ROBO2: variants seen among roughly 807,000 people sequenced by gnomAD.
ROBO2 encodes roundabout homolog 2.
A neutral mutation model predicts 160.8 loss-of-function variants in ROBO2; 53 were observed. That is an observed-to-expected ratio of 0.33 (90% CI 0.26 to 0.41). ROBO2 has a LOEUF of 0.41. Ranked by LOEUF, ROBO2 falls within the 10% of genes least tolerant of loss-of-function variation. The probability of loss-of-function intolerance (pLI) is 1.00; values close to 1 mark genes in which losing one functional copy is unlikely to be tolerated. For missense variants in ROBO2, 1,577 were observed against 1,722.4 expected, an observed-to-expected ratio of 0.92 and a Z score of 1.49; for synonymous variants, 664 against 611.7, an observed-to-expected ratio of 1.09 and a Z score of -1.26.
chr3:75,912,731 A>G (rs1351401228), intron 1 of ROBO2, among the ~76,000 whole-genome samples: 1 of 152,348 alleles, frequency 6.6e-6, no homozygotes, highest in African/African-American at 2.4e-5. Flanking sequence ...ACATACTGGT[A>G]TAATCATATT....
intron 6 of ROBO2, among the ~76,000 whole-genome samples, chr3:77,545,027 A>T (rs1221055746): frequency 6.6e-6 from 1 of 151,750 alleles, no homozygotes; most frequent in African/African-American, 2.4e-5. Flanking sequence ...TTTCTGTCGG[A>T]GTTACTTATG....
intron 2 of ROBO2, among the ~76,000 whole-genome samples, chr3:76,767,315 G>T (rs1461254265): frequency 6.6e-6 from 1 of 151,552 alleles, no homozygotes; most frequent in African/African-American, 2.4e-5. Context: ...TTCACTTTTA[G>T]ATAAATACTT....
rs114485903 is a variant in ROBO2 at position 76,589,222 on chromosome 3, A to G, written c.110-508792A>G. 6.5e-3 allele frequency among the ~76,000 whole-genome samples: 994 copies of G among 152,326 alleles called. 12 individuals are homozygous for G. The highest frequency in any genetic ancestry group is 0.032 in the South Asian group (156 of 4,822). On this transcript the variant is annotated intron_variant, in intron 2 of 26. Coordinates refer to the ROBO2 transcript ENST00000487694. ...CAAAACATCGCTCTGTATACCTTGA[A>G]TATATACAAAGTTTATCTGTCAGTT...
intron 2 of ROBO2, among the ~76,000 whole-genome samples, chr3:77,273,075 G>A (rs1211729583): frequency 6.6e-6 from 1 of 152,130 alleles, no homozygotes; most frequent in South Asian, 2.1e-4. Context: ...AGTGAGCATA[G>A]TACCCAATAC....
chr3:76,456,270 G>T (rs563463257), intron 2 of ROBO2, among the ~76,000 whole-genome samples: 51 of 152,306 alleles, frequency 3.3e-4, no homozygotes, highest in African/African-American at 1.2e-3. Flanking sequence ...GAGGAGTTAT[G>T]TAGTTACATT....
At chr3:76,828,426 T>C (rs1181110499) in intron 2 of ROBO2, among the ~76,000 whole-genome samples, 1 of 152,138 alleles carries the variant, frequency 6.6e-6, no homozygotes, top group African/African-American at 2.4e-5. Flanking sequence ...ATGTATTATA[T>C]ATAGAATTAT....
intron 19 of ROBO2, among the ~76,000 whole-genome samples, chr3:77,598,527 G>GTATATATATATATATATATA (rs3073098): frequency 1.5e-3 from 203 of 139,962 alleles, no homozygotes; most frequent in African/African-American, 5.3e-3. Context: ...ATATATATGT[G>GTATATATATATATATATATA]TATATATATA....
intron 2 of ROBO2, among the ~76,000 whole-genome samples, chr3:76,114,166 C>A (rs542814585): frequency 5.3e-5 from 8 of 152,270 alleles, no homozygotes; most frequent in African/African-American, 1.9e-4. Flanking sequence ...CTTAAAGTCC[C>A]ACCTTTCATC....
At chr3:77,120,723 G>C (rs906372120) in intron 2 of ROBO2, among the ~76,000 whole-genome samples, 1 of 152,122 alleles carries the variant, frequency 6.6e-6, no homozygotes, top group Non-Finnish European at 1.5e-5. Context: ...AGCTAAGTTT[G>C]AATGTGGACT....
At position 76,713,694 on chromosome 3, in the gene ROBO2, A is replaced by G. The variant is rs576966528; in HGVS notation, c.110-384320A>G. On this transcript the variant is annotated intron_variant, in intron 2 of 26. Coordinates refer to the ROBO2 transcript ENST00000487694. ...CAAGAAAATTACCTCTTTGCTTTAC[A>G]TGTTTCTACTTCCAGTCACTTGGTA... Among the ~76,000 whole-genome samples, 25 of 152,278 alleles carry G rather than the reference A, an allele frequency of 1.6e-4. No homozygotes were observed. In the South Asian group the frequency reaches 2.1e-3, roughly 13 times the overall value.
intron 2 of ROBO2, among the ~76,000 whole-genome samples, chr3:76,629,597 C>A (rs2089898618): frequency 6.6e-6 from 1 of 152,104 alleles, no homozygotes; most frequent in Admixed American, 6.5e-5. Flanking sequence ...TTCGATGATG[C>A]CCATCTAGAT....
intron 2 of ROBO2, among the ~76,000 whole-genome samples, chr3:77,469,416 T>A (rs1339748550): frequency 1.3e-5 from 2 of 152,150 alleles, no homozygotes; most frequent in Non-Finnish European, 2.9e-5. Context: ...GTAGAAGTTC[T>A]GAGCTGCATG....
At chr3:75,948,735 A>T (rs1324022173) in intron 2 of ROBO2, among the ~76,000 whole-genome samples, 1 of 152,164 alleles carries the variant, frequency 6.6e-6, no homozygotes, top group Non-Finnish European at 1.5e-5. Flanking sequence ...AACAATATTT[A>T]TATTGAAAAA....
At chr3:76,923,153 G>A (rs2149002685) in intron 2 of ROBO2, among the ~76,000 whole-genome samples, 1 of 152,262 alleles carries the variant, frequency 6.6e-6, no homozygotes, top group Non-Finnish European at 1.5e-5. Context: ...CTTCATCCAG[G>A]TATAAAGAGG....
chr3:76,631,787 T>A (rs1279053156), intron 2 of ROBO2, among the ~76,000 whole-genome samples: 5 of 152,092 alleles, frequency 3.3e-5, no homozygotes, highest in African/African-American at 7.2e-5. Flanking sequence ...CAATCCCACC[T>A]CCCTAGAATG....
At chr3:77,055,631 C>T (rs982986238) in intron 1 of ROBO2, among the ~76,000 whole-genome samples, 7 of 152,154 alleles carry the variant, frequency 4.6e-5, no homozygotes, top group Non-Finnish European at 7.4e-5. Context: ...CATAATATAT[C>T]CACATATAAA....
chr3:76,820,752 A>G (rs1381115840), intron 2 of ROBO2, among the ~76,000 whole-genome samples: 1 of 151,976 alleles, frequency 6.6e-6, no homozygotes, highest in African/African-American at 2.4e-5. Flanking sequence ...ACTGTTTACA[A>G]TATGTAGTAA....
intron 2 of ROBO2, among the ~76,000 whole-genome samples, chr3:76,293,008 CAT>C (rs1382167652): frequency 8.0e-5 from 12 of 149,944 alleles, no homozygotes; most frequent in African/African-American, 3.0e-4. Flanking sequence ...TTTGTTATAA[CAT>C]AAAAATTTTA....
chr3:76,609,134 T>A (rs1055570632), intron 2 of ROBO2, among the ~76,000 whole-genome samples: 2 of 152,208 alleles, frequency 1.3e-5, no homozygotes, highest in African/African-American at 4.8e-5. Context: ...CCCCAGTGCA[T>A]GTTCTTGGCA....
Sources: gnomAD v4.1 joint callset for allele counts (sites outside exome capture counted in the v4.1 genomes callset) on GRCh38, gnomAD v4.1.1 for gene constraint, MANE v1.5 for transcripts, NCBI Gene and HGNC (gene_info 2026-07-23, HGNC 2026-07-21) for gene names.